Variants in MIS18A observed in about 807,000 individuals in gnomAD.
The protein encoded by MIS18A is protein Mis18-alpha.
A neutral mutation model predicts 25.0 loss-of-function variants in MIS18A; 14 were observed. The ratio of observed to expected loss-of-function variants is 0.56; its 90% CI spans 0.37 to 0.88. MIS18A has a LOEUF of 0.88. Among genes scored for constraint, MIS18A ranks in the 40% least tolerant of loss-of-function variants. The pLI, the probability that MIS18A is intolerant of heterozygous loss-of-function variation, is 0.00. For synonymous variants in MIS18A, 134 were observed against 118.6 expected (o/e 1.13, Z -0.84); for missense variants, 292 against 290.8 (o/e 1.00, Z -0.03).
the MIS18A span, among the ~76,000 whole-genome samples, chr21:32,227,394 GA>G: frequency 3.2e-3 from 475 of 147,256 alleles, 1 homozygote; most frequent in African/African-American, 9.7e-3. Context: ...TGACCTTACA[GA>G]AAAAAAAAAT....
the MIS18A span, among the ~76,000 whole-genome samples, chr21:32,240,655 G>A: frequency 1.3e-5 from 2 of 152,160 alleles, no homozygotes; most frequent in African/African-American, 4.8e-5. Context: ...ATAAGACTTG[G>A]ATGTACAATA....
the MIS18A span, among the ~76,000 whole-genome samples, chr21:32,160,441 G>A: frequency 1.9e-3 from 282 of 152,198 alleles, 1 homozygote; most frequent in African/African-American, 6.3e-3. Context: ...CAAGATTGAG[G>A]ATGGGCGCTT....
the MIS18A span, among the ~76,000 whole-genome samples, chr21:32,167,279 T>C: frequency 6.6e-6 from 1 of 152,036 alleles, no homozygotes; most frequent in Non-Finnish European, 1.5e-5. Context: ...TTATCAGACA[T>C]ACCAAAAAAC....
At chr21:32,264,407 T>C (rs1468749211), downstream of MIS18A, among the ~76,000 whole-genome samples, 1 of 152,246 alleles carries the variant, frequency 6.6e-6, no homozygotes, top group East Asian at 1.9e-4. Flanking sequence ...ATGTATAGAC[T>C]GGCTACAAGA....
chr21:32,247,885 A>G, the MIS18A span, among the ~76,000 whole-genome samples: 1 of 152,326 alleles, frequency 6.6e-6, no homozygotes, highest in South Asian at 2.1e-4. Flanking sequence ...GAAGATTCAT[A>G]TAGGCACCCA....
At chr21:32,181,785 T>C in the MIS18A span, among the ~76,000 whole-genome samples, 3 of 152,252 alleles carry the variant, frequency 2.0e-5, no homozygotes, top group African/African-American at 7.2e-5. Context: ...CATCTGGATC[T>C]GAGACATGTG....
At chr21:32,163,799 G>GT in the MIS18A span, among the ~76,000 whole-genome samples, 1 of 152,170 alleles carries the variant, frequency 6.6e-6, no homozygotes, top group East Asian at 1.9e-4. Flanking sequence ...AAAGGAGGCA[G>GT]TTTTTTGTAA....
the MIS18A span, among the ~76,000 whole-genome samples, chr21:32,263,179 T>C: frequency 6.6e-6 from 1 of 152,268 alleles, no homozygotes; most frequent in East Asian, 1.9e-4. Flanking sequence ...TTATTTATCC[T>C]ATCTGGGGAG....
the MIS18A span, among the ~76,000 whole-genome samples, chr21:32,185,455 C>CA: frequency 6.6e-6 from 1 of 152,192 alleles, no homozygotes; most frequent in South Asian, 2.1e-4. Context: ...GTGGTGCTCC[C>CA]AGGCTACCTG....
intron 1 of MIS18A, among the ~76,000 whole-genome samples, chr21:32,275,666 A>G (rs1313414766): frequency 2.0e-5 from 3 of 151,930 alleles, no homozygotes; most frequent in African/African-American, 7.3e-5. Flanking sequence ...GCCAAAACAG[A>G]CTCTTGATTT....
chr21:32,236,532 G>A, the MIS18A span, among the ~76,000 whole-genome samples: 1 of 152,242 alleles, frequency 6.6e-6, no homozygotes, highest in East Asian at 1.9e-4. Context: ...TAGTATGGCA[G>A]CTCAATGGCA....
chr21:32,203,101 C>G, the MIS18A span, among the ~76,000 whole-genome samples: 2 of 150,390 alleles, frequency 1.3e-5, no homozygotes, highest in Admixed American at 6.6e-5. Flanking sequence ...TTAAAAGTAC[C>G]CCCCAAATAA....
chr21:32,266,967 A>AACACACAC (rs199958126), downstream of MIS18A, among the ~76,000 whole-genome samples: 2,560 of 149,502 alleles, frequency 0.017, 57 homozygotes, highest in African/African-American at 0.058. Flanking sequence ...GGACAAGTTA[A>AACACACAC]ACACACACAC....
chr21:32,246,253 C>T, the MIS18A span, among the ~76,000 whole-genome samples: 1 of 152,160 alleles, frequency 6.6e-6, no homozygotes, highest in African/African-American at 2.4e-5. Flanking sequence ...CAAACTCTAC[C>T]ACCACCCCTC....
chr21:32,180,496 T>C, the MIS18A span, among the ~76,000 whole-genome samples: 1 of 152,222 alleles, frequency 6.6e-6, no homozygotes, highest in Non-Finnish European at 1.5e-5. Flanking sequence ...CATGATCTTG[T>C]GAATGCATTG....
At chr21:32,263,629 T>C (rs1410684131), downstream of MIS18A, among the ~76,000 whole-genome samples, 2 of 151,952 alleles carry the variant, frequency 1.3e-5, no homozygotes, top group Non-Finnish European at 2.9e-5. Flanking sequence ...TTTCCAGACA[T>C]GGCTAACTTT....
At chr21:32,160,520 A>G in the MIS18A span, among the ~76,000 whole-genome samples, 6 of 152,120 alleles carry the variant, frequency 3.9e-5, no homozygotes, top group African/African-American at 9.7e-5. Context: ...GGTTTTATAC[A>G]TTTTAGGGAG....
chr21:32,202,494 G>A, the MIS18A span, among the ~76,000 whole-genome samples: 4 of 152,082 alleles, frequency 2.6e-5, no homozygotes, highest in African/African-American at 9.7e-5. Flanking sequence ...AACATAAAAT[G>A]TACCATCTTA....
chr21:32,234,125 A>G, the MIS18A span, among the ~76,000 whole-genome samples: 1 of 152,252 alleles, frequency 6.6e-6, no homozygotes, highest in Non-Finnish European at 1.5e-5. Flanking sequence ...CAAATGTACC[A>G]TAGCAGTGTT....
Sources: allele counts gnomAD v4.1 joint callset (sites outside exome capture counted in the v4.1 genomes callset), GRCh38; gene constraint gnomAD v4.1.1; transcripts MANE v1.5; gene names NCBI Gene and HGNC (gene_info 2026-07-23, HGNC 2026-07-21).